The following DLC1 variants were observed in gnomAD, a reference collection of about 807,000 sequenced individuals.
The protein encoded by DLC1 is DLC1 Rho GTPase activating protein.
A neutral mutation model predicts 140.3 loss-of-function variants in DLC1; 54 were observed. The ratio of observed to expected loss-of-function variants is 0.38; its 90% CI spans 0.31 to 0.48. The LOEUF is 0.48. Ranked by LOEUF, DLC1 falls within the 20% of genes least tolerant of loss-of-function variation. The pLI, the probability that DLC1 is intolerant of heterozygous loss-of-function variation, is 0.96. For missense variants in DLC1, 2,536 were observed against 1,907.0 expected (o/e 1.33, Z -6.14); for synonymous variants, 986 against 728.1 (o/e 1.35, Z -5.70).
chr8:13,174,600 C>T lies in DLC1; in HGVS notation c.1349-58943G>A, dbSNP rs950009568. Among the ~76,000 whole-genome samples the T allele has an allele frequency of 3.3e-5, 5 of 152,118 alleles. No homozygotes were observed. The East Asian group carries it at 7.7e-4, about 23-fold the overall frequency. The stretch of plus-strand genomic sequence containing the variant: ...GGTATCTTCTTGTGGTTTTGATTTG[C>T]ATTTCTCTGATGATTAGTGATGATA... On this transcript the variant is annotated intron_variant, in intron 5 of 17. Coordinates refer to ENST00000276297, the MANE Select transcript of DLC1 (RefSeq NM_182643.3).
intron 2 of DLC1, among the ~76,000 whole-genome samples, chr8:13,487,571 G>A (rs866124445): frequency 6.6e-6 from 1 of 150,686 alleles, no homozygotes; most frequent in East Asian, 2.0e-4. Context: ...GTTAGAAAAT[G>A]TTTTCCTTTT....
intron 1 of DLC1, among the ~76,000 whole-genome samples, chr8:13,504,693 G>T (rs1444007385): frequency 6.6e-6 from 1 of 152,180 alleles, no homozygotes; most frequent in African/African-American, 2.4e-5. Context: ...AAGTAACAGT[G>T]CAGGGAAGAC....
chr8:13,453,556 ATTTTTTTTT>A lies in DLC1; in HGVS notation c.1023+45484_1023+45492del, dbSNP rs370075708. 1.1e-4 allele frequency among the ~76,000 whole-genome samples: 3 copies of A among 26,928 alleles called. 1 individual carries two copies. The highest frequency in any genetic ancestry group is 9.0e-4 in the Admixed American group (2 of 2,232). The allele number at this position is 26,928 out of a possible 152,430, so 17.7% of individuals were successfully genotyped here. A position where few individuals can be genotyped will look rare whatever the true frequency, so the allele number is the denominator to read the frequency against. On this transcript the variant is annotated intron_variant, in intron 2 of 17. Transcript: ENST00000276297. Reference sequence around the variant, plus strand: ...TATATATACATATATATATATATATATTTTTTTTTTTTTTTTTTCAGATAGAAATGTTTA... The same window carrying A: ...TATATATACATATATATATATATATATTTTTTTTTCAGATAGAAATGTTTA...
chr8:13,233,612 C>T (rs1398082887), intron 5 of DLC1, among the ~76,000 whole-genome samples: 4 of 152,134 alleles, frequency 2.6e-5, no homozygotes, highest in Non-Finnish European at 4.4e-5. Flanking sequence ...AGAGAAATTT[C>T]AAATAAAGAT....
At chr8:13,493,090 C>T (rs1801337996) in intron 2 of DLC1, among the ~76,000 whole-genome samples, 1 of 152,132 alleles carries the variant, frequency 6.6e-6, no homozygotes, top group Non-Finnish European at 1.5e-5. Context: ...GTTTCATTGC[C>T]AGCTCCAGTC....
At chr8:13,232,026 A>T (rs768630383) in intron 5 of DLC1, among the ~76,000 whole-genome samples, 23 of 151,838 alleles carry the variant, frequency 1.5e-4, no homozygotes, top group Admixed American at 5.2e-4. Flanking sequence ...GACTTTCATG[A>T]GCCATCCATG....
intron 1 of DLC1, among the ~76,000 whole-genome samples, chr8:13,596,993 T>G (rs1290321288): frequency 2.0e-5 from 3 of 151,876 alleles, no homozygotes; most frequent in Non-Finnish European, 4.4e-5. Flanking sequence ...TATGTTCGTT[T>G]GTTTGAAGGA....
At chr8:13,388,858 G>C (rs896274302) in intron 4 of DLC1, among the ~76,000 whole-genome samples, 2 of 151,978 alleles carry the variant, frequency 1.3e-5, no homozygotes, top group Non-Finnish European at 2.9e-5. Context: ...ATGCTTGGAG[G>C]AGCCAGCCAT....
At position 13,099,912 on chromosome 8, in the gene DLC1, T is replaced by G. The variant is rs1232278061; in HGVS notation, c.2425A>C (p.Ile809Leu). Residue 809 changes from isoleucine (I) to leucine (L), a missense_variant, in exon 9 of 18, where the codon ATC becomes CTC. Coordinates refer to ENST00000276297, the MANE Select transcript of DLC1 (RefSeq NM_182643.3). ...GTGCCAGGCTTGTGATCTTCAGGGA[T>G]GTAGAACACCGTGTCCTCTGGGTAG... ...ESYPEDTVFYIPEDHKPGTFP... is the reference protein window; with the variant it reads ...ESYPEDTVFYLPEDHKPGTFP... The G allele has an allele frequency of 1.9e-6, 3 of 1,614,094 alleles. No homozygotes were observed. Among genetic ancestry groups the G allele is most frequent in the African/African-American group, 1.3e-5 (1 of 75,064 alleles).
At chr8:13,307,963 C>G (rs1310783783) in intron 4 of DLC1, among the ~76,000 whole-genome samples, 1 of 152,190 alleles carries the variant, frequency 6.6e-6, no homozygotes, top group Non-Finnish European at 1.5e-5. Context: ...CAAAATACCT[C>G]TATAGGAATA....
chr8:13,167,130 C>T (rs1330917880), intron 5 of DLC1, among the ~76,000 whole-genome samples: 1 of 152,122 alleles, frequency 6.6e-6, no homozygotes, highest in Non-Finnish European at 1.5e-5. Context: ...AATACCTTTT[C>T]TAGTGGAAAC....
chr8:13,147,997 G>C (rs1208740484), intron 5 of DLC1, among the ~76,000 whole-genome samples: 3 of 152,046 alleles, frequency 2.0e-5, no homozygotes, highest in Non-Finnish European at 2.9e-5. Context: ...AAAAAAAGAA[G>C]AAAAGCATTT....
chr8:13,140,181 TTAAA>T (rs1438528054), intron 5 of DLC1, among the ~76,000 whole-genome samples: 34 of 152,266 alleles, frequency 2.2e-4, no homozygotes, highest in Admixed American at 2.0e-4. Context: ...CTTATAATGG[TTAAA>T]TATTTTCTTT....
chr8:13,585,516 A>C (rs1805272953), intron 1 of DLC1, among the ~76,000 whole-genome samples: 1 of 152,238 alleles, frequency 6.6e-6, no homozygotes, highest in Non-Finnish European at 1.5e-5. Context: ...GTAAAGGTGC[A>C]TTAGTTTGCT....
At position 13,133,275 on chromosome 8, in the gene DLC1, C is replaced by T; in HGVS notation, c.1349-17618G>A. Reference sequence around the variant, plus strand: ...TGGGAGCGAAGCGCCCTCGCTCGGGCAGTCGGAGCGAACTGTCTCCCGCGC... The same window carrying T: ...TGGGAGCGAAGCGCCCTCGCTCGGGTAGTCGGAGCGAACTGTCTCCCGCGC... On this transcript the variant is annotated intron_variant, in intron 5 of 17. Coordinates refer to ENST00000276297, the MANE Select transcript of DLC1 (RefSeq NM_182643.3). The T allele has an allele frequency of 3.0e-6, 4 of 1,321,834 alleles. No individual in the cohort carries two copies. In the South Asian group the frequency reaches 7.0e-5, roughly 23 times the overall value. The allele number at this position is 1,321,834 out of a possible 1,614,324, so 81.9% of individuals were successfully genotyped here. A position where few individuals can be genotyped will look rare whatever the true frequency, so the allele number is the denominator to read the frequency against.
Position 13,426,112 on chromosome 8 carries a change from A to AATTATT in DLC1, c.1024-24499_1024-24494dup, listed in dbSNP as rs145396626. Among the ~76,000 whole-genome samples the AATTATT allele has an allele frequency of 2.6e-5, 4 of 151,800 alleles. No homozygotes were observed. The East Asian group carries it at 7.8e-4, about 29-fold the overall frequency. On this transcript the variant is annotated intron_variant, in intron 2 of 17. Transcript: ENST00000276297. ...ACAGGTGTGAGCCACCCTGTATGGC[A>AATTATT]ATTATTATTATTATTATTATTTTGG...
intron 3 of DLC1, among the ~76,000 whole-genome samples, chr8:13,398,220 T>A (rs778605328): frequency 9.2e-5 from 14 of 151,932 alleles, no homozygotes; most frequent in Non-Finnish European, 1.3e-4. Context: ...AAAGTTTGGC[T>A]TATAAAGGAA....
intron 4 of DLC1, among the ~76,000 whole-genome samples, chr8:13,382,760 A>C (rs1836334603): frequency 6.6e-6 from 1 of 152,184 alleles, no homozygotes; most frequent in African/African-American, 2.4e-5. Flanking sequence ...TCAGAGAACT[A>C]TTCAGGCAGT....
At chr8:13,250,780 G>GA (rs1223054384) in intron 5 of DLC1, among the ~76,000 whole-genome samples, 12 of 151,588 alleles carry the variant, frequency 7.9e-5, no homozygotes, top group African/African-American at 2.7e-4. Context: ...GAGAGAGAAA[G>GA]AAAAAATAAA....
Sources: allele counts gnomAD v4.1 joint callset (sites outside exome capture counted in the v4.1 genomes callset), GRCh38; gene constraint gnomAD v4.1.1; transcripts MANE v1.5; gene names NCBI Gene and HGNC (gene_info 2026-07-23, HGNC 2026-07-21).